NAT10: variants seen among roughly 807,000 people sequenced by gnomAD.
NAT10 encodes N-acetyltransferase 10.
Under a neutral mutation model 132.2 loss-of-function variants are expected in NAT10, and 109 were observed. The ratio of observed to expected loss-of-function variants is 0.82; its 90% CI spans 0.71 to 0.97. The LOEUF is 0.97. NAT10 is among the 50% of genes least tolerant of loss of function. NAT10 has a pLI of 0.00. For missense variants in NAT10, 1,184 were observed against 1,263.4 expected (o/e 0.94, Z 0.95); for synonymous variants, 479 against 478.0 (o/e 1.00, Z -0.03).
At position 34,146,326 on chromosome 11, in the gene NAT10, G is replaced by T. The variant is rs976133294; in HGVS notation, c.*134G>T. The T allele has an allele frequency of 3.5e-5, 22 of 632,904 alleles. No individual in the cohort carries two copies. Among genetic ancestry groups the T allele is most frequent in the Non-Finnish European group, 5.7e-5 (21 of 367,844 alleles). The allele number at this position is 632,904 out of a possible 1,614,324, so 39.2% of individuals were successfully genotyped here. A position where few individuals can be genotyped will look rare whatever the true frequency, so the allele number is the denominator to read the frequency against. ...AGCTGGCCGCGAATTCGGCCTCTGG[G>T]CCTGTGTGTCTGTGAGCTCAACCTG... On this transcript the variant is annotated 3_prime_UTR_variant, in exon 29 of 29. Transcript: ENST00000257829.
Position 34,108,848 on chromosome 11 carries a change from T to G in NAT10, c.200+15T>G, listed in dbSNP as rs1320655512. On this transcript the variant is annotated intron_variant, in intron 3 of 28. Transcript: ENST00000257829. Reference sequence around the variant, plus strand: ...GGGTTTAGCAGGTAAGCTGGGCTCTTCATGTGTTTTATCCAACTTACAATT... The same window carrying G: ...GGGTTTAGCAGGTAAGCTGGGCTCTGCATGTGTTTTATCCAACTTACAATT... The G allele has an allele frequency of 6.3e-7, 1 of 1,598,770 alleles. No individual in the cohort carries two copies. The highest frequency in any genetic ancestry group is 8.5e-7 in the Non-Finnish European group (1 of 1,174,134).
chr11:34,124,233 C>T lies in NAT10; in HGVS notation c.1009-69C>T, dbSNP rs979536215. ...CCAAGTGAAGTCTTTAGAATACTTG[C>T]TTACTTTCATAATATTTAGTTTCTG... On this transcript the variant is annotated intron_variant, in intron 10 of 28. Coordinates refer to ENST00000257829, the MANE Select transcript of NAT10 (RefSeq NM_024662.3). 5.1e-5 allele frequency: 52 copies of T among 1,009,960 alleles called. No individual in the cohort carries two copies. In the Middle Eastern group the frequency reaches 6.6e-4, roughly 13 times the overall value. The allele number at this position is 1,009,960 out of a possible 1,614,324, so 62.6% of individuals were successfully genotyped here.
chr11:34,110,428 C>A (rs758877597), intron 3 of NAT10, among the ~76,000 whole-genome samples: 2 of 151,894 alleles, frequency 1.3e-5, no homozygotes, highest in Non-Finnish European at 2.9e-5. Flanking sequence ...CTGAGCCCCC[C>A]AGTCATACCT....
intron 25 of NAT10, among the ~76,000 whole-genome samples, 200 bp downstream of exon 25, chr11:34,141,408 T>TCTCTCA (rs72268617): frequency 6.8e-5 from 9 of 132,868 alleles, no homozygotes; most frequent in African/African-American, 2.0e-4. Context: ...TCATCACACA[T>TCTCTCA]CACACACACA....
At chr11:34,114,012 G>A (rs978833009) in intron 5 of NAT10, among the ~76,000 whole-genome samples, 174 bp downstream of exon 5, 3 of 152,188 alleles carry the variant, frequency 2.0e-5, no homozygotes, top group African/African-American at 7.2e-5. Flanking sequence ...TTAAATCTCA[G>A]GGTCCATGAG....
chr11:34,108,662 TC>T, intron 2 of NAT10, 79 bp from the exon 3 acceptor site: 1 of 1,311,298 alleles, frequency 7.6e-7, no homozygotes, highest in South Asian at 1.3e-5. Flanking sequence ...AGTTTCCACA[TC>T]CGTCAAATGA....
At chr11:34,123,056 C>A (rs1484564110) in intron 9 of NAT10, among the ~76,000 whole-genome samples, 2 of 152,242 alleles carry the variant, frequency 1.3e-5, no homozygotes, top group Admixed American at 6.5e-5. Context: ...TTGGAAGATA[C>A]ATGCAGCTGC....
intron 21 of NAT10, among the ~76,000 whole-genome samples, chr11:34,138,082 C>T (rs776204522): frequency 5.9e-5 from 9 of 152,140 alleles, no homozygotes; most frequent in Non-Finnish European, 8.8e-5. Flanking sequence ...AAGGATTGTC[C>T]GATGGGAGAT....
chr11:34,127,784 A>G (rs1852023656), intron 12 of NAT10, among the ~76,000 whole-genome samples, 185 bp downstream of exon 12: 1 of 152,204 alleles, frequency 6.6e-6, no homozygotes, highest in African/African-American at 2.4e-5. Context: ...GAACTGTTAC[A>G]CGTCTCTGGC....
At chr11:34,143,212 C>G (rs1334898823) in intron 27 of NAT10, among the ~76,000 whole-genome samples, 1 of 152,190 alleles carries the variant, frequency 6.6e-6, no homozygotes, top group East Asian at 1.9e-4. Context: ...TGCCAGCAGG[C>G]CTGGTGACCC....
At chr11:34,108,718 T>C in intron 2 of NAT10, 24 bp from the exon 3 acceptor site, 1 of 1,598,440 alleles carries the variant, frequency 6.3e-7, no homozygotes, top group Non-Finnish European at 8.5e-7. Flanking sequence ...GTGCCTGAAA[T>C]TCTGTGACTT....
rs1478007234 is a variant in NAT10 at position 34,115,851 on chromosome 11, C to G, written c.524C>G (p.Ala175Gly). The change falls in exon 6 of 29, where the codon GCC becomes GGC. Residue 175 changes from alanine (A) to glycine (G), a missense_variant. Transcript: ENST00000257829. ...MDVHSRYRTE[A>G]HQDVVGRFNE... ...GTGCATTCCAGGTACAGAACTGAGG[C>G]CCATCAGGATGTGGTGGGAAGATTT... 5 of 1,614,026 alleles carry G rather than the reference C, an allele frequency of 3.1e-6. No individual in the cohort carries two copies. The highest frequency in any genetic ancestry group is 4.2e-6 in the Non-Finnish European group (5 of 1,179,956).
In NAT10 at chr11:34,139,245, G is replaced by A; in HGVS notation, c.2266G>A (p.Asp756Asn). Residue 756 changes from aspartate to asparagine, a missense_variant, in exon 22 of 29, where the codon GAT becomes AAT. By Grantham distance (23) the Asp-to-Asn change is conservative. Transcript: ENST00000257829. The part of the protein sequence containing the change: ...CIMLKTLTDE[D>N]EADQGGWLAA... Reference sequence around the variant, plus strand: ...CATGCTGAAGACGCTCACTGATGAGGATGAGGCTGACCAGGGAGGCTGGCT... The same window carrying A: ...CATGCTGAAGACGCTCACTGATGAGAATGAGGCTGACCAGGGAGGCTGGCT... 2.5e-6 allele frequency: 4 copies of A among 1,614,172 alleles called. No individual in the cohort carries two copies. In the South Asian group the frequency reaches 3.3e-5, roughly 13 times the overall value.
intron 9 of NAT10, 41 bp downstream of exon 9, chr11:34,122,633 C>G: frequency 6.2e-7 from 1 of 1,608,736 alleles, no homozygotes; most frequent in Non-Finnish European, 8.5e-7. Context: ...ACTCTGGGCT[C>G]TGTGGGGGTA....
intron 20 of NAT10, 75 bp from the exon 21 acceptor site, chr11:34,136,903 C>CTCTTG: frequency 6.2e-7 from 1 of 1,610,388 alleles, no homozygotes; most frequent in Non-Finnish European, 8.5e-7. Context: ...CTCTTCCTGG[C>CTCTTG]TCTTGCCCTT....
chr11:34,108,351 C>T lies in NAT10; in HGVS notation c.108+18C>T. Reference sequence around the variant, plus strand: ...AAGATCAGGTATGGCCTGGTAAATGCTTCCTGAATTACTTTTTATCTTGTC... The same window carrying T: ...AAGATCAGGTATGGCCTGGTAAATGTTTCCTGAATTACTTTTTATCTTGTC... On this transcript the variant is annotated intron_variant, in intron 2 of 28. Transcript: ENST00000257829. The T allele has an allele frequency of 1.3e-6, 2 of 1,572,238 alleles. No homozygotes were observed. The highest frequency in any genetic ancestry group is 1.8e-6 in the Non-Finnish European group (2 of 1,142,322).
chr11:34,142,054 C>T, intron 26 of NAT10: 4 of 621,608 alleles, frequency 6.4e-6, no homozygotes, highest in Non-Finnish European at 1.1e-5. Context: ...ATTCCAGCAT[C>T]TGTTGGAAAT....
At chr11:34,129,596 CTTCTTTTTT>C (rs1852065981) in intron 12 of NAT10, among the ~76,000 whole-genome samples, 1 of 102,366 alleles carries the variant, frequency 9.8e-6, no homozygotes, top group Non-Finnish European at 2.0e-5. Flanking sequence ...TCTTCTTCTT[CTTCTTTTTT>C]TTTTTTTTTT....
At chr11:34,136,913 T>G (rs1309564027) in intron 20 of NAT10, 65 bp from the exon 21 acceptor site, 1 of 1,611,252 alleles carries the variant, frequency 6.2e-7, no homozygotes, top group African/African-American at 1.3e-5. Flanking sequence ...CTCTTGCCCT[T>G]GTGTGTCTAT....
Sources: gnomAD v4.1 joint callset for allele counts (sites outside exome capture counted in the v4.1 genomes callset) on GRCh38, gnomAD v4.1.1 for gene constraint, MANE v1.5 for transcripts, NCBI Gene and HGNC (gene_info 2026-07-23, HGNC 2026-07-21) for gene names.